Variants in OPRM1 observed in about 807,000 individuals in gnomAD.
OPRM1 encodes the protein mu-type opioid receptor.
A neutral mutation model predicts 31.8 loss-of-function variants in OPRM1; 27 were observed. The ratio of observed to expected loss-of-function variants is 0.85; its 90% CI spans 0.63 to 1.17. The LOEUF is 1.17. Ranked by LOEUF, OPRM1 falls within the 50% of genes most tolerant of loss-of-function variation. The pLI is 0.00. For missense variants in OPRM1, 536 were observed against 511.1 expected, an observed-to-expected ratio of 1.05 and a Z score of -0.47; for synonymous variants, 196 against 189.9, an observed-to-expected ratio of 1.03 and a Z score of -0.26.
rs57493678 is a variant in OPRM1 at position 154,130,170 on chromosome 6, CTTT to C, written c.*11465_*11467del. 0.022 allele frequency among the ~76,000 whole-genome samples: 1,608 copies of C among 71,736 alleles called. 25 individuals carry two copies. Among genetic ancestry groups the C allele is most frequent in the African/African-American group, 0.064 (1,415 of 22,094 alleles). 47.1% of individuals were successfully genotyped at this position (71,736 alleles called of 152,430 possible). On this transcript the variant is annotated 3_prime_UTR_variant, in exon 4 of 4. Coordinates refer to ENST00000330432, the MANE Select transcript of OPRM1 (RefSeq NM_000914.5). ...GATTTCATGGAAATGTTTAAATTTT[CTTT>C]TTTTTTTTTTTTTTTGATGGAGTCT... is the stretch of plus-strand genomic sequence containing the variant.
chr6:154,180,700 T>C (rs557507658), intron 3 of OPRM1, among the ~76,000 whole-genome samples: 43 of 152,164 alleles, frequency 2.8e-4, no homozygotes, highest in Non-Finnish European at 5.3e-4. Context: ...TCTTTCCTTG[T>C]GCTTTCTAGA....
chr6:154,013,556 T>C lies in OPRM1; in HGVS notation c.-1+2538T>C, dbSNP rs149880270. ...GAATAAACACATAAGTAAAATTTAA[T>C]AGGTTGAATAATGGTAAAAGTTTAA... is the stretch of plus-strand genomic sequence containing the variant. On this transcript the variant is annotated intron_variant, in intron 1 of 5. Transcript: ENST00000434900. 9.3e-4 allele frequency among the ~76,000 whole-genome samples: 142 copies of C among 152,282 alleles called. 2 individuals carry two copies. In the East Asian group the frequency reaches 0.021, roughly 23 times the overall value.
At chr6:154,163,850 A>C (rs1799218229) in intron 3 of OPRM1, among the ~76,000 whole-genome samples, 1 of 152,250 alleles carries the variant, frequency 6.6e-6, no homozygotes, top group Non-Finnish European at 1.5e-5. Flanking sequence ...ATAGATAGAT[A>C]GATAGATAGA....
chr6:154,245,479 G>A (rs759921516), intron 3 of OPRM1, among the ~76,000 whole-genome samples: 5 of 152,122 alleles, frequency 3.3e-5, no homozygotes, highest in Non-Finnish European at 5.9e-5. Flanking sequence ...TGTGAGCAAC[G>A]AAAATTGATT....
chr6:154,183,844 C>G (rs139553094), intron 3 of OPRM1, among the ~76,000 whole-genome samples: 2,882 of 152,062 alleles, frequency 0.019, 81 homozygotes, highest in African/African-American at 0.065. Flanking sequence ...GAACCGAGGT[C>G]ATGCCACTGC....
intron 3 of OPRM1, among the ~76,000 whole-genome samples, chr6:154,103,325 T>G (rs1481015620): frequency 6.6e-6 from 1 of 152,226 alleles, no homozygotes; most frequent in African/African-American, 2.4e-5. Flanking sequence ...ATTAAATCAT[T>G]AAAATGTATT....
At chr6:154,041,380 A>C (rs1026692910) in intron 1 of OPRM1, among the ~76,000 whole-genome samples, 2 of 152,248 alleles carry the variant, frequency 1.3e-5, no homozygotes, top group Admixed American at 6.5e-5. Context: ...CACATTGAAG[A>C]TTAAAAACCA....
chr6:154,041,740 C>A (rs1028802787), intron 1 of OPRM1, among the ~76,000 whole-genome samples: 4 of 151,928 alleles, frequency 2.6e-5, no homozygotes, highest in Admixed American at 1.3e-4. Flanking sequence ...AAATTATCCC[C>A]AAATTCTATG....
chr6:154,233,319 T>C (rs1329392017), intron 3 of OPRM1, among the ~76,000 whole-genome samples: 1 of 152,332 alleles, frequency 6.6e-6, no homozygotes, highest in East Asian at 1.9e-4. Flanking sequence ...CTCTTTTCTT[T>C]GCATCAGATT....
chr6:154,075,295 A>C (rs1787618704), intron 1 of OPRM1, among the ~76,000 whole-genome samples: 1 of 152,202 alleles, frequency 6.6e-6, no homozygotes, highest in Non-Finnish European at 1.5e-5. Context: ...TAAATAGCAA[A>C]ATAATCAGTT....
chr6:154,090,125 C>A lies in OPRM1; in HGVS notation c.590C>A (p.Ser197Tyr). Residue 197 changes from serine (S) to tyrosine (Y), a missense_variant, in exon 2 of 4, where the codon TCT becomes TAT. Physicochemically the swap from Ser to Tyr is moderately radical, Grantham distance 144. Coordinates refer to ENST00000330432, the MANE Select transcript of OPRM1 (RefSeq NM_000914.5). ...KIINVCNWIL[S>Y]SAIGLPVMFM... Reference sequence around the variant, plus strand: ...ATCAATGTCTGCAACTGGATCCTCTCTTCAGCCATTGGTCTTCCTGTAATG... The same window carrying A: ...ATCAATGTCTGCAACTGGATCCTCTATTCAGCCATTGGTCTTCCTGTAATG... 6.2e-7 allele frequency: 1 copy of A among 1,614,056 alleles called. No individual in the cohort carries two copies. The highest frequency in any genetic ancestry group is 8.5e-7 in the Non-Finnish European group (1 of 1,179,988).
At chr6:154,229,506 C>T (rs1779553780) in intron 3 of OPRM1, among the ~76,000 whole-genome samples, 1 of 151,386 alleles carries the variant, frequency 6.6e-6, no homozygotes, top group African/African-American at 2.4e-5. Flanking sequence ...CCCGCCACCA[C>T]ACCCGGCTCA....
downstream of OPRM1, among the ~76,000 whole-genome samples, chr6:154,134,791 A>T (rs971194314): frequency 6.7e-6 from 1 of 149,212 alleles, no homozygotes; most frequent in Non-Finnish European, 1.5e-5. Flanking sequence ...TTTAACATGC[A>T]TTTTTTTTTT....
chr6:154,210,916 A>C (rs1777904786), intron 3 of OPRM1, among the ~76,000 whole-genome samples: 1 of 152,214 alleles, frequency 6.6e-6, no homozygotes, highest in South Asian at 2.1e-4. Flanking sequence ...CTCCACTGAC[A>C]GTGTGAAAAA....
At chr6:154,097,991 A>T (rs573908866) in intron 3 of OPRM1, among the ~76,000 whole-genome samples, 69 of 152,312 alleles carry the variant, frequency 4.5e-4, no homozygotes, top group Middle Eastern at 3.4e-3. Context: ...GTACTTTGGG[A>T]GGCCAAGGCA....
intron 3 of OPRM1, among the ~76,000 whole-genome samples, chr6:154,184,526 T>C (rs1459036958): frequency 6.6e-6 from 1 of 152,064 alleles, no homozygotes; most frequent in Admixed American, 6.5e-5. Flanking sequence ...TGTGTGTACA[T>C]CTATGTATGT....
chr6:154,013,997 A>G lies in OPRM1; in HGVS notation c.-1+2979A>G, dbSNP rs190893720. 1.0e-3 allele frequency among the ~76,000 whole-genome samples: 158 copies of G among 152,290 alleles called. 1 individual carries two copies. Among genetic ancestry groups the G allele is most frequent in the Non-Finnish European group, 1.1e-3 (77 of 68,004 alleles). ...TTGAGAGAAGGAACTGGAGAGTCAC[A>G]TAGTAAAGGATATAGAGACAAGGAA... On this transcript the variant is annotated intron_variant, in intron 1 of 5. Coordinates refer to the OPRM1 transcript ENST00000434900.
chr6:154,059,390 T>C (rs1783961907), intron 1 of OPRM1, among the ~76,000 whole-genome samples: 4 of 151,958 alleles, frequency 2.6e-5, no homozygotes, highest in Admixed American at 2.6e-4. Context: ...TAATCTGTCC[T>C]CGACAGCATC....
At chr6:154,199,066 C>T (rs1776863590) in intron 3 of OPRM1, among the ~76,000 whole-genome samples, 1 of 152,218 alleles carries the variant, frequency 6.6e-6, no homozygotes, top group South Asian at 2.1e-4. Flanking sequence ...TATTAACTTC[C>T]ACACACAATT....
Sources: gnomAD v4.1 joint callset for allele counts (sites outside exome capture counted in the v4.1 genomes callset) on GRCh38, gnomAD v4.1.1 for gene constraint, MANE v1.5 for transcripts, NCBI Gene and HGNC (gene_info 2026-07-23, HGNC 2026-07-21) for gene names.